The following NF1 variants were observed in gnomAD, a reference collection of about 807,000 sequenced individuals.
NF1 encodes neurofibromin 1, also known as neurofibromin.
NF1 carries 122 observed loss-of-function variants against 325.7 expected under a neutral mutation model. The observed-to-expected ratio is 0.37, with a 90% CI of 0.32 to 0.44. The LOEUF is 0.44. Among genes scored for constraint, NF1 ranks in the 20% least tolerant of loss-of-function variants. The pLI, the probability that NF1 is intolerant of heterozygous loss-of-function variation, is 1.00. For synonymous variants in NF1, 1,091 were observed against 1,186.0 expected, an observed-to-expected ratio of 0.92 and a Z score of 1.65; for missense variants, 2,140 against 3,415.4, an observed-to-expected ratio of 0.63 and a Z score of 9.31.
rs7406039 is a variant in NF1 at position 31,336,607 on chromosome 17, T to A, written c.6148-28T>A. 0.59 allele frequency: 859,296 copies of A among 1,453,166 alleles called. 237,205 individuals are homozygous for A. Among genetic ancestry groups the A allele is most frequent in the South Asian group, 0.68 (53,088 of 77,832 alleles). The allele number at this position is 1,453,166 out of a possible 1,614,324, so 90.0% of individuals were successfully genotyped here. A position where few individuals can be genotyped will look rare whatever the true frequency, so the allele number is the denominator to read the frequency against. ...ACTTTGAGTCCCATGTTTTTTTTTT[T>A]AAAAAAAAAAATCCTGCTTCTTTAC... On this transcript the variant is annotated intron_variant, in intron 41 of 57. Transcript: ENST00000358273. This position sits in a 1 kb window ranked among gnomAD's most constrained non-coding sequence, Gnocchi z 5.5.
intron 36 of NF1, among the ~76,000 whole-genome samples, chr17:31,270,603 T>G (rs1199734299): frequency 6.6e-6 from 1 of 152,152 alleles, no homozygotes; most frequent in Non-Finnish European, 1.5e-5. Context: ...GAGTGAGGCC[T>G]TCTCTGAAAG....
At chr17:31,158,257 T>G (rs2143641096) in intron 2 of NF1, among the ~76,000 whole-genome samples, 1 of 152,278 alleles carries the variant, frequency 6.6e-6, no homozygotes, top group African/African-American at 2.4e-5. Flanking sequence ...CTTACAAAAC[T>G]AATAAACTGG....
At chr17:31,279,601 A>G (rs2151483740) in intron 36 of NF1, among the ~76,000 whole-genome samples, 1 of 152,194 alleles carries the variant, frequency 6.6e-6, no homozygotes, top group African/African-American at 2.4e-5. Flanking sequence ...AAAAAAAAAA[A>G]AAAAGGAAGA....
chr17:31,361,991 G>C (rs144912760), intron 57 of NF1, among the ~76,000 whole-genome samples: 3 of 152,196 alleles, frequency 2.0e-5, no homozygotes, highest in Non-Finnish European at 4.4e-5. Flanking sequence ...AACAAGGTTT[G>C]TTTGCCCTCT....
intron 45 of NF1, 145 bp downstream of exon 45, chr17:31,338,284 T>C: frequency 1.5e-6 from 1 of 685,272 alleles, no homozygotes; most frequent in Non-Finnish European, 2.6e-6. Flanking sequence ...TGTATTTTGA[T>C]TATTTATTGT....
chr17:31,334,755 T>C (rs1455123292), intron 39 of NF1, 83 bp from the exon 40 acceptor site: 1 of 1,166,636 alleles, frequency 8.6e-7, no homozygotes. Flanking sequence ...CTTTTACCAT[T>C]TTTTCCCCGA....
chr17:31,122,226 C>T (rs1389024116), intron 1 of NF1, among the ~76,000 whole-genome samples: 2 of 152,008 alleles, frequency 1.3e-5, no homozygotes, highest in Non-Finnish European at 2.9e-5. Context: ...TAGGGGCAAC[C>T]TTGTCATGAG....
At chr17:31,209,141 A>C (rs1445175402) in intron 12 of NF1, among the ~76,000 whole-genome samples, 2 of 152,122 alleles carry the variant, frequency 1.3e-5, no homozygotes, top group Non-Finnish European at 2.9e-5. Context: ...CCTCCAAGTC[A>C]TGAAAACCAA....
At chr17:31,259,376 T>A (rs1278275692) in intron 33 of NF1, among the ~76,000 whole-genome samples, 5 of 152,198 alleles carry the variant, frequency 3.3e-5, no homozygotes, top group Non-Finnish European at 5.9e-5. Flanking sequence ...ACATGTCTAA[T>A]TAAATAAAGG....
intron 57 of NF1, 68 bp downstream of exon 57, chr17:31,360,771 G>A (rs1349400525): frequency 6.4e-6 from 9 of 1,408,656 alleles, no homozygotes; most frequent in Non-Finnish European, 8.0e-6. Flanking sequence ...GAATTCCCTT[G>A]TGATCAGTTT....
At chr17:31,286,994 A>C (rs2068240555) in intron 36 of NF1, among the ~76,000 whole-genome samples, 2 of 152,172 alleles carry the variant, frequency 1.3e-5, no homozygotes, top group African/African-American at 4.8e-5. Flanking sequence ...AAAGTGAAAA[A>C]CTGCGTTTCC....
intron 6 of NF1, 99 bp from the exon 7 acceptor site, chr17:31,181,611 A>G (rs2066135067): frequency 3.2e-6 from 4 of 1,262,886 alleles, no homozygotes; most frequent in Non-Finnish European, 4.6e-6. Context: ...CAGGAAGAAT[A>G]CATTGTAATA....
At chr17:31,339,873 TAG>T (rs2069772763) in intron 46 of NF1, among the ~76,000 whole-genome samples, 1 of 151,866 alleles carries the variant, frequency 6.6e-6, no homozygotes, top group Non-Finnish European at 1.5e-5. Context: ...TTAATGTAGG[TAG>T]AGAGAAAGGG....
In NF1 at chr17:31,214,419, T is replaced by C. The variant is rs2905876; in HGVS notation, c.1393-32T>C. On this transcript the variant is annotated intron_variant, in intron 12 of 57. Coordinates refer to ENST00000358273, the MANE Select transcript of NF1 (RefSeq NM_001042492.3). The stretch of plus-strand genomic sequence containing the variant: ...TGGATAGCTATTATCCTGAGTCTTA[T>C]GTCTGATACCATGTTTTTGTTTTGT... The C allele has an allele frequency of 0.65, 1,004,578 of 1,535,034 alleles. 340,573 individuals are homozygous for C. Among genetic ancestry groups the C allele is most frequent in the Middle Eastern group, 0.74 (3,169 of 4,256 alleles).
intron 13 of NF1, among the ~76,000 whole-genome samples, chr17:31,216,002 T>A (rs2066814013): frequency 6.6e-6 from 1 of 152,190 alleles, no homozygotes; most frequent in Non-Finnish European, 1.5e-5. Context: ...TGTGATACTT[T>A]AAGCCTGAAA....
In NF1 at chr17:31,111,730, C is replaced by G. The variant is rs1419905151; in HGVS notation, c.60+16361C>G. 7.9e-5 allele frequency among the ~76,000 whole-genome samples: 12 copies of G among 152,208 alleles called. No homozygotes were observed. The East Asian group carries it at 2.3e-3, about 29-fold the overall frequency. Reference sequence around the variant, plus strand: ...AAGCTGACAATTTATGACCAGCAGACCTGCACTGTAAGATTACTGAAGGAA... The same window carrying G: ...AAGCTGACAATTTATGACCAGCAGAGCTGCACTGTAAGATTACTGAAGGAA... On this transcript the variant is annotated intron_variant, in intron 1 of 57. Transcript: ENST00000358273.
intron 8 of NF1, among the ~76,000 whole-genome samples, chr17:31,193,667 C>CA (rs996596877): frequency 7.5e-5 from 11 of 146,376 alleles, no homozygotes; most frequent in African/African-American, 2.0e-4. Context: ...ATCTCAACAG[C>CA]AAAAAACAAA....
At chr17:31,105,020 C>T (rs1447950993) in intron 1 of NF1, among the ~76,000 whole-genome samples, 1 of 152,016 alleles carries the variant, frequency 6.6e-6, no homozygotes, top group Non-Finnish European at 1.5e-5. Context: ...TCTCCCACCT[C>T]CCGAATATCT....
chr17:31,275,479 C>G (rs2067988471), intron 36 of NF1, among the ~76,000 whole-genome samples: 1 of 152,030 alleles, frequency 6.6e-6, no homozygotes, highest in Non-Finnish European at 1.5e-5. Flanking sequence ...ATTGCTATAA[C>G]TTCTATTTTA....
Sources: allele counts gnomAD v4.1 joint callset (sites outside exome capture counted in the v4.1 genomes callset), GRCh38; gene constraint gnomAD v4.1.1; non-coding constraint Gnocchi (gnomAD v3.1); transcripts MANE v1.5; gene names NCBI Gene and HGNC (gene_info 2026-07-23, HGNC 2026-07-21).